Variants in DNAH17 observed in about 807,000 individuals in gnomAD.
DNAH17 encodes axonemal beta dynein heavy chain 17.
A neutral mutation model predicts 485.6 loss-of-function variants in DNAH17; 376 were observed. That is an observed-to-expected ratio of 0.77 (90% CI 0.71 to 0.84). The LOEUF is 0.84. Ranked by LOEUF, DNAH17 falls within the 40% of genes least tolerant of loss-of-function variation. DNAH17 has a pLI of 0.00. For missense variants in DNAH17, 6,370 were observed against 5,839.3 expected, an observed-to-expected ratio of 1.09 and a Z score of -2.96; for synonymous variants, 3,031 against 2,405.9, an observed-to-expected ratio of 1.26 and a Z score of -7.60.
chr17:78,529,612 C>T lies in DNAH17; in HGVS notation c.3367G>A (p.Val1123Met), dbSNP rs2091174291. The T allele has an allele frequency of 6.2e-7, 1 of 1,613,882 alleles. No homozygotes were observed. ...TTCATCAGGTGCCCCATCACCTCCA[C>T]AAGCCCATCATAGTCCCCCTCCTTG... ...PLKEGDYDGL[V>M]EVMGHLMKVK... Residue 1123 changes from valine to methionine, a missense_variant, in exon 22 of 81, where the codon GTG becomes ATG. Coordinates refer to ENST00000389840, the MANE Select transcript of DNAH17 (RefSeq NM_173628.4).
intron 16 of DNAH17, among the ~76,000 whole-genome samples, chr17:78,545,300 G>A (rs1002139341): frequency 1.3e-5 from 2 of 152,156 alleles, no homozygotes; most frequent in African/African-American, 2.4e-5. Context: ...ATTGCTTCAT[G>A]GTCAGAAAAA....
Position 78,537,320 on chromosome 17 carries a change from G to A in DNAH17, c.2838C>T (p.Ala946=), listed in dbSNP as rs2143384095. 1.3e-6 allele frequency: 2 copies of A among 1,575,782 alleles called. No individual in the cohort carries two copies. Among genetic ancestry groups the A allele is most frequent in the Non-Finnish European group, 1.7e-6 (2 of 1,160,890 alleles). The change falls in exon 19 of 81, where the codon GCC becomes GCT. Residue 946 remains alanine, a synonymous_variant. Transcript: ENST00000389840. Reference sequence around the variant, plus strand: ...TGACCTTGTAGTTCATCCTGTCCTTGGCCAGCCGAGGGATGAGCCTGGCTA... The same window carrying A: ...TGACCTTGTAGTTCATCCTGTCCTTAGCCAGCCGAGGGATGAGCCTGGCTA... ...YNVARLIPRL[A]KDRMNYKMDL...
Position 78,569,220 on chromosome 17 carries a change from A to G in DNAH17, c.1230T>C (p.Ser410=). 3.1e-6 allele frequency: 5 copies of G among 1,609,560 alleles called. No homozygotes were observed. Among genetic ancestry groups the G allele is most frequent in the Non-Finnish European group, 4.2e-6 (5 of 1,177,938 alleles). Residue 410 remains serine (S), a synonymous_variant, in exon 9 of 81, where the codon TCT becomes TCC. Transcript: ENST00000389840. ...DKEPVPWEFP[S]SLAFSRINSF... is the part of the protein sequence containing the mutation. ...AATTTATCCTGGAAAAGGCAAGAGA[A>G]GAAGGGAATTCCCAAGGCACGGGCT...
intron 72 of DNAH17, 71 bp downstream of exon 72, chr17:78,440,980 G>A (rs1192327241): frequency 5.9e-6 from 9 of 1,534,490 alleles, no homozygotes; most frequent in Admixed American, 2.0e-5. Flanking sequence ...CTTTTGGTGT[G>A]CATTTTCCTG....
chr17:78,530,258 C>A (rs975413457), intron 21 of DNAH17, 85 bp downstream of exon 21: 27 of 1,445,320 alleles, frequency 1.9e-5, no homozygotes, highest in Non-Finnish European at 2.3e-5. Context: ...AGGCACCTGA[C>A]AAATGCCACC....
At chr17:78,439,006 G>A (rs1290053888) in intron 73 of DNAH17, 84 bp downstream of exon 73, 29 of 1,521,596 alleles carry the variant, frequency 1.9e-5, no homozygotes, top group Non-Finnish European at 2.3e-5. Context: ...TCCACATCCT[G>A]CTTCCTTCCG....
At chr17:78,452,962 C>T (rs1034572941) in intron 65 of DNAH17, among the ~76,000 whole-genome samples, 4 of 98,356 alleles carry the variant, frequency 4.1e-5, no homozygotes, top group African/African-American at 1.7e-4. Context: ...TGTACAACAT[C>T]GTGAGTGTAC....
rs367682588 is a variant in DNAH17, at chr17:78,544,788, G to A, written c.2392-791C>T. Among the ~76,000 whole-genome samples the A allele has an allele frequency of 6.0e-3, 481 of 79,770 alleles. 7 individuals carry two copies. Among genetic ancestry groups the A allele is most frequent in the African/African-American group, 0.021 (422 of 20,114 alleles). The allele number at this position is 79,770 out of a possible 152,430, so 52.3% of individuals were successfully genotyped here. Reference sequence around the variant, plus strand: ...TCCACTCCAGCCTGGGGCACAGAGCGAGACTCAGTCTCAAAAAAAAAAAAA... The same window carrying A: ...TCCACTCCAGCCTGGGGCACAGAGCAAGACTCAGTCTCAAAAAAAAAAAAA... On this transcript the variant is annotated intron_variant, in intron 16 of 80. Transcript: ENST00000389840.
chr17:78,526,560 C>T (rs563129678), intron 24 of DNAH17, 91 bp downstream of exon 24: 77 of 1,167,686 alleles, frequency 6.6e-5, no homozygotes, highest in Non-Finnish European at 8.8e-5. Flanking sequence ...GCGGAGACCA[C>T]GTTTCTGGAC....
Position 78,572,846 on chromosome 17 carries a change from G to C in DNAH17, c.394C>G (p.Gln132Glu). 1.2e-6 allele frequency: 2 copies of C among 1,613,924 alleles called. No homozygotes were observed. Among genetic ancestry groups the C allele is most frequent in the Non-Finnish European group, 1.7e-6 (2 of 1,179,874 alleles). ...TTCACGATGTCTTCCGAGACCACCTGGGGCCATCCAGCCATGTTCTCACTT... is the reference window on the plus strand; with the variant it reads ...TTCACGATGTCTTCCGAGACCACCTCGGGCCATCCAGCCATGTTCTCACTT... ...NQSENMAGWP[Q>E]VVSEDIVKQV... Residue 132 changes from glutamine (Q) to glutamate (E), a missense_variant, in exon 3 of 81, where the codon CAG (glutamine) becomes GAG (glutamate). Gln to Glu is a conservative substitution (Grantham distance 29). Coordinates refer to ENST00000389840, the MANE Select transcript of DNAH17 (RefSeq NM_173628.4).
In DNAH17 at chr17:78,468,833, C is replaced by T. The variant is rs539841178; in HGVS notation, c.8562G>A (p.Ser2854=). ...CCTGGGAGTCTGTCATCAGGAACACCGAGGGAACGTTCTTCACGGCAGCCT... is the reference window on the plus strand; with the variant it reads ...CCTGGGAGTCTGTCATCAGGAACACTGAGGGAACGTTCTTCACGGCAGCCT... The part of the protein sequence containing the change: ...YIKAAVKNVP[S]VFLMTDSQVA... The change falls in exon 55 of 81, where the codon TCG becomes TCA. Residue 2854 remains serine, a synonymous_variant. Transcript: ENST00000389840. The T allele has an allele frequency of 5.3e-5, 85 of 1,613,860 alleles. 1 individual carries two copies. In the Admixed American group the frequency reaches 9.0e-4, roughly 17 times the overall value.
intron 16 of DNAH17, among the ~76,000 whole-genome samples, chr17:78,549,076 C>CTA (rs2091842275): frequency 6.6e-6 from 1 of 152,174 alleles, no homozygotes; most frequent in South Asian, 2.1e-4. Flanking sequence ...AGCAGAGCCC[C>CTA]TATTGGGTGA....
At chr17:78,571,905 A>C in intron 3 of DNAH17, 123 bp from the exon 4 acceptor site, 1 of 950,370 alleles carries the variant, frequency 1.1e-6, no homozygotes, top group East Asian at 2.7e-5. Flanking sequence ...GTCTGGTCTC[A>C]TGTCCCTGGT....
chr17:78,441,683 A>G lies in DNAH17; in HGVS notation c.11529-484T>C, dbSNP rs191881304. Reference sequence around the variant, plus strand: ...GGGGTCTCGGCTAATCCTCCCATGGAGGACCGAGTGATGTTCTGGCGGTCT... The same window carrying G: ...GGGGTCTCGGCTAATCCTCCCATGGGGGACCGAGTGATGTTCTGGCGGTCT... On this transcript the variant is annotated intron_variant, in intron 71 of 80. Coordinates refer to ENST00000389840, the MANE Select transcript of DNAH17 (RefSeq NM_173628.4). Among the ~76,000 whole-genome samples the G allele has an allele frequency of 1.3e-5, 2 of 152,298 alleles. 1 individual carries two copies. The highest frequency in any genetic ancestry group is 3.9e-4 in the East Asian group (2 of 5,186).
At chr17:78,498,683 A>G (rs1216866506) in intron 37 of DNAH17, among the ~76,000 whole-genome samples, 1 of 152,034 alleles carries the variant, frequency 6.6e-6, no homozygotes, top group Non-Finnish European at 1.5e-5. Context: ...ATTCCCTTTC[A>G]GCACCTCCTA....
intron 56 of DNAH17, among the ~76,000 whole-genome samples, chr17:78,464,914 A>AT (rs879563005): frequency 8.5e-5 from 13 of 152,186 alleles, no homozygotes; most frequent in Non-Finnish European, 1.9e-4. Flanking sequence ...CGCTAATTTG[A>AT]TTTTCAAAAA....
rs74481482 is a variant in DNAH17 at position 78,568,098 on chromosome 17, G to C, written c.1285-932C>G. ...TCTTCCACCCGACGCGGAGGACACAGACAAGCTGGCATGGCCTGTTGTCAG... is the reference window on the plus strand; with the variant it reads ...TCTTCCACCCGACGCGGAGGACACACACAAGCTGGCATGGCCTGTTGTCAG... On this transcript the variant is annotated intron_variant, in intron 9 of 80. Transcript: ENST00000389840. 3.1e-3 allele frequency among the ~76,000 whole-genome samples: 473 copies of C among 152,310 alleles called. 3 individuals carry two copies. The South Asian group carries it at 0.04, about 13-fold the overall frequency.
At chr17:78,470,136 C>A (rs369187985) in intron 54 of DNAH17, among the ~76,000 whole-genome samples, 33 of 138,898 alleles carry the variant, frequency 2.4e-4, no homozygotes, top group African/African-American at 8.8e-4. Context: ...TGCAGTGTCG[C>A]GATCTTGGCT....
At position 78,561,743 on chromosome 17, in the gene DNAH17, T is replaced by G. The variant is rs1568258693; in HGVS notation, c.1807A>C (p.Met603Leu). The G allele has an allele frequency of 6.2e-7, 1 of 1,611,474 alleles. No homozygotes were observed. Among genetic ancestry groups the G allele is most frequent in the Non-Finnish European group, 8.5e-7 (1 of 1,178,750 alleles). Reference sequence around the variant, plus strand: ...TGTTCGACGTGCTTCAGGTGTTTCATGGACACCTCTAGCCTCTCCTGCAGC... The same window carrying G: ...TGTTCGACGTGCTTCAGGTGTTTCAGGGACACCTCTAGCCTCTCCTGCAGC... ...LELQERLEVS[M>L]KHLKHVEHPV... The change falls in exon 12 of 81, where the codon ATG becomes CTG. Residue 603 changes from methionine to leucine, a missense_variant. Met to Leu is a conservative substitution (Grantham distance 15). Coordinates refer to ENST00000389840, the MANE Select transcript of DNAH17 (RefSeq NM_173628.4).
Sources: gnomAD v4.1 joint callset for allele counts (sites outside exome capture counted in the v4.1 genomes callset) on GRCh38, gnomAD v4.1.1 for gene constraint, MANE v1.5 for transcripts, NCBI Gene and HGNC (gene_info 2026-07-23, HGNC 2026-07-21) for gene names.